The following COL5A3 variants were observed in gnomAD, a reference collection of about 807,000 sequenced individuals.
COL5A3 encodes collagen type V alpha 3 chain, also known as collagen alpha-3(V) chain.
Under a neutral mutation model 250.0 loss-of-function variants are expected in COL5A3, and 172 were observed. The ratio of observed to expected loss-of-function variants is 0.69; its 90% CI spans 0.61 to 0.78. The LOEUF is 0.78. Among genes scored for constraint, COL5A3 ranks in the 30% least tolerant of loss-of-function variants. COL5A3 has a pLI of 0.00. For missense variants in COL5A3, 2,340 were observed against 2,334.4 expected (o/e 1.00, Z -0.05); for synonymous variants, 937 against 900.4 (o/e 1.04, Z -0.73).
rs3074540 is a variant in COL5A3 at position 9,967,495 on chromosome 19, TCACACACA to T, written c.4405-103_4405-96del. 9 of 773,616 alleles carry T rather than the reference TCACACACA, an allele frequency of 1.2e-5. No homozygotes were observed. The East Asian group carries it at 2.5e-4, about 22-fold the overall frequency. The allele number at this position is 773,616 out of a possible 1,614,324, so 47.9% of individuals were successfully genotyped here. A position where few individuals can be genotyped will look rare whatever the true frequency, so the allele number is the denominator to read the frequency against. ...CACACACACACACTCACACACACACTCACACACACACAGTCTCACACACTCACATACAC... is the reference window on the plus strand; with the variant it reads ...CACACACACACACTCACACACACACTCACAGTCTCACACACTCACATACAC... On this transcript the variant is annotated intron_variant, in intron 61 of 66. Coordinates refer to ENST00000264828, the MANE Select transcript of COL5A3 (RefSeq NM_015719.4).
At chr19:9,991,349 T>C (rs1242746998) in intron 24 of COL5A3, among the ~76,000 whole-genome samples, 1 of 152,216 alleles carries the variant, frequency 6.6e-6, no homozygotes, top group African/African-American at 2.4e-5. Context: ...TGCCTCTTGG[T>C]AATATCTTCT....
chr19:10,006,415 C>A (rs1224616010), intron 1 of COL5A3, among the ~76,000 whole-genome samples, 184 bp from the exon 2 acceptor site: 3 of 151,970 alleles, frequency 2.0e-5, no homozygotes, highest in Non-Finnish European at 4.4e-5. Context: ...CTCCTCACCA[C>A]CCCACAGATG....
chr19:9,969,381 C>T lies in COL5A3; in HGVS notation c.4120G>A (p.Ala1374Thr), dbSNP rs576171548. 3.1e-6 allele frequency: 5 copies of T among 1,607,262 alleles called. No individual in the cohort carries two copies. The African/African-American group carries it at 6.7e-5, about 22-fold the overall frequency. ...CCAGGAGGGCCCATCTGTCCAGGGG[C>T]TCCCAGGAGGCCTGGTTCACCCTGA... ...GPVGEPGLLG[A>T]PGQMGPPGPL... Residue 1374 changes from alanine (A) to threonine (T), a missense_variant, in exon 57 of 67, where the codon GCC becomes ACC. Coordinates refer to ENST00000264828, the MANE Select transcript of COL5A3 (RefSeq NM_015719.4).
chr19:9,991,662 C>T lies in COL5A3; in HGVS notation c.1948-8G>A, dbSNP rs768387496. The T allele has an allele frequency of 6.2e-6, 10 of 1,612,194 alleles. No individual in the cohort carries two copies. The highest frequency in any genetic ancestry group is 8.5e-7 in the Non-Finnish European group (1 of 1,179,338). ...CTGGGGACCGGGGAGTCCCTGGAGA[C>T]AGAAAAAGAAGATGAGAGAAGGCAT... On this transcript the variant is annotated splice_region_variant and splice_polypyrimidine_tract_variant and intron_variant, in intron 23 of 66. Transcript: ENST00000264828.
Position 9,960,854 on chromosome 19 carries a change from C to T in COL5A3, c.4888G>A (p.Val1630Ile), listed in dbSNP as rs749035534. Residue 1630 changes from valine (V) to isoleucine (I), a missense_variant, in exon 66 of 67, where the codon GTC (valine) becomes ATC (isoleucine). Physicochemically the swap from Val to Ile is conservative, Grantham distance 29. Transcript: ENST00000264828. ...YVDADGSPVN[V>I]VQLNFLKLLS... ...AGTTTCAGGAAGTTCAGCTGCACGA[C>T]ATTCACTGGGGACCCGTCGGCGTCC... 5.0e-6 allele frequency: 8 copies of T among 1,610,678 alleles called. No homozygotes were observed. Among genetic ancestry groups the T allele is most frequent in the Non-Finnish European group, 6.8e-6 (8 of 1,180,020 alleles).
At chr19:9,989,592 C>T in intron 24 of COL5A3, 70 bp from the exon 25 acceptor site, 1 of 1,358,876 alleles carries the variant, frequency 7.4e-7, no homozygotes. Context: ...AGGATCTACG[C>T]AGACATGCAG....
At chr19:9,992,363 C>A in intron 21 of COL5A3, among the ~76,000 whole-genome samples, 1 of 151,450 alleles carries the variant, frequency 6.6e-6, no homozygotes, top group East Asian at 1.9e-4. Flanking sequence ...GAGCAGAGAT[C>A]GTGCCATTGC....
rs571760810 is a variant in COL5A3 at position 9,971,460 on chromosome 19, C to A, written c.3775-202G>T. 2.0e-5 allele frequency among the ~76,000 whole-genome samples: 3 copies of A among 152,332 alleles called. No individual in the cohort carries two copies. The East Asian group carries it at 5.8e-4, about 29-fold the overall frequency. ...GAGCTAAGAATGCCGCACGCATGGT[C>A]TCACTGCAGCGTCCTCACAGCCTCT... On this transcript the variant is annotated intron_variant, in intron 51 of 66. Coordinates refer to ENST00000264828, the MANE Select transcript of COL5A3 (RefSeq NM_015719.4).
At chr19:9,987,594 A>G (rs1008527052) in intron 27 of COL5A3, among the ~76,000 whole-genome samples, 3 of 151,676 alleles carry the variant, frequency 2.0e-5, no homozygotes, top group African/African-American at 7.3e-5. Context: ...AAAAAAAAAG[A>G]AAAAAGGTAG....
At chr19:9,985,747 G>T in intron 31 of COL5A3, 95 bp downstream of exon 31, 1 of 1,142,292 alleles carries the variant, frequency 8.8e-7, no homozygotes, top group Non-Finnish European at 1.3e-6. Context: ...CTTGGGGTGG[G>T]CAGCTCATCC....
chr19:10,001,971 A>T, intron 6 of COL5A3, 90 bp from the exon 7 acceptor site: 1 of 876,496 alleles, frequency 1.1e-6, no homozygotes, highest in Non-Finnish European at 1.8e-6. Context: ...AGGAGCTCCC[A>T]GTCCGGGGAC....
At chr19:9,994,912 T>TTTA (rs1398656926) in intron 16 of COL5A3, among the ~76,000 whole-genome samples, 25 of 151,606 alleles carry the variant, frequency 1.6e-4, no homozygotes, top group African/African-American at 2.7e-4. Flanking sequence ...ATCTTATTTA[T>TTTA]TTATTATTAT....
chr19:9,969,202 A>G, intron 57 of COL5A3, 147 bp downstream of exon 57: 1 of 681,180 alleles, frequency 1.5e-6, no homozygotes, highest in South Asian at 2.0e-5. Flanking sequence ...GTGGAAGGTC[A>G]GAGCAGATGG....
chr19:9,987,741 G>A (rs1316362798), intron 27 of COL5A3, among the ~76,000 whole-genome samples: 2 of 151,914 alleles, frequency 1.3e-5, no homozygotes, highest in African/African-American at 4.8e-5. Flanking sequence ...GTAACAGAGT[G>A]AGACCCTGTC....
chr19:9,967,949 A>G lies in COL5A3; in HGVS notation c.4369-10T>C. 6.2e-7 allele frequency: 1 copy of G among 1,612,494 alleles called. No individual in the cohort carries two copies. Among genetic ancestry groups the G allele is most frequent in the Non-Finnish European group, 8.5e-7 (1 of 1,179,348 alleles). On this transcript the variant is annotated splice_polypyrimidine_tract_variant and intron_variant, in intron 60 of 66. Transcript: ENST00000264828. The stretch of plus-strand genomic sequence containing the variant: ...TCTGTCCTAGAGGGCCCTGTAGGGT[A>G]CAGACAGGGAGAGCTGAGGTCCTGG...
chr19:9,991,931 A>C (rs1455318298), intron 22 of COL5A3, 73 bp downstream of exon 22: 1 of 1,572,190 alleles, frequency 6.4e-7, no homozygotes, highest in Non-Finnish European at 8.8e-7. Flanking sequence ...CAGTCATGGA[A>C]GGGAATAGGG....
At chr19:9,996,860 G>C in intron 11 of COL5A3, 171 bp from the exon 12 acceptor site, 2 of 590,672 alleles carry the variant, frequency 3.4e-6, no homozygotes, top group Non-Finnish European at 2.9e-6. Context: ...GTAGAGAGAA[G>C]TGGAAAGGAA....
chr19:9,987,633 C>T (rs1390718770), intron 27 of COL5A3, among the ~76,000 whole-genome samples: 1 of 151,796 alleles, frequency 6.6e-6, no homozygotes, highest in Non-Finnish European at 1.5e-5. Context: ...ACCTATAGTC[C>T]CAGCTACCTG....
At position 9,996,622 on chromosome 19, in the gene COL5A3, A is replaced by G. The variant is rs1251072101; in HGVS notation, c.1331T>C (p.Met444Thr). The G allele has an allele frequency of 6.2e-7, 1 of 1,613,894 alleles. No homozygotes were observed. Residue 444 changes from methionine to threonine, a missense_variant, in exon 12 of 67, where the codon ATG (methionine) becomes ACG (threonine). Around this residue, in one of 3 missense-constraint regions of COL5A3, gnomAD observed 1,152 missense variants for 1,146.3 expected, o/e 1.00. Transcript: ENST00000264828. Reference sequence around the variant, plus strand: ...ACTCCATCTCCTTCTTACCGGCATCATGATCACAGTGCCCGGTGGGCCTCG... The same window carrying G: ...ACTCCATCTCCTTCTTACCGGCATCGTGATCACAGTGCCCGGTGGGCCTCG... ...GIRGPPGTVIMMPFQFAGGSF... is the reference protein window; with the variant it reads ...GIRGPPGTVITMPFQFAGGSF...
Sources: gnomAD v4.1 joint callset for allele counts (sites outside exome capture counted in the v4.1 genomes callset) on GRCh38, gnomAD v4.1.1 for gene constraint, gnomAD v4.1.1 regional missense constraint, MANE v1.5 for transcripts, NCBI Gene and HGNC (gene_info 2026-07-23, HGNC 2026-07-21) for gene names.